The following MAD1L1 variants were observed in gnomAD, a reference collection of about 807,000 sequenced individuals.
MAD1L1 encodes mitotic spindle assembly checkpoint protein MAD1.
A neutral mutation model predicts 96.9 loss-of-function variants in MAD1L1; 95 were observed. The observed-to-expected ratio is 0.98, with a 90% CI of 0.83 to 1.16. The LOEUF is 1.16. Among genes scored for constraint, MAD1L1 ranks in the 50% most tolerant of loss-of-function variants. The pLI is 0.00. For synonymous variants in MAD1L1, 473 were observed against 396.6 expected, an observed-to-expected ratio of 1.19 and a Z score of -2.29; for missense variants, 1,007 against 954.4, an observed-to-expected ratio of 1.06 and a Z score of -0.73.
At chr7:2,172,668 C>T (rs949893082) in intron 10 of MAD1L1, among the ~76,000 whole-genome samples, 48 of 152,358 alleles carry the variant, frequency 3.2e-4, no homozygotes, top group African/African-American at 1.1e-3. Context: ...GTGGTGCCAG[C>T]TCGAGTGCCT....
At chr7:2,021,655 C>G (rs1377432277) in intron 12 of MAD1L1, among the ~76,000 whole-genome samples, 1 of 152,080 alleles carries the variant, frequency 6.6e-6, no homozygotes, top group Admixed American at 6.5e-5. Context: ...ATCCCAGCTA[C>G]TCGGGAGGCT....
At chr7:2,003,342 T>A (rs938793377) in intron 13 of MAD1L1, among the ~76,000 whole-genome samples, 1 of 151,972 alleles carries the variant, frequency 6.6e-6, no homozygotes, top group Non-Finnish European at 1.5e-5. Flanking sequence ...GGGGGAAGTA[T>A]GTTTGGAGAC....
chr7:2,107,941 C>G (rs576585737), intron 11 of MAD1L1, among the ~76,000 whole-genome samples: 1 of 152,090 alleles, frequency 6.6e-6, no homozygotes, highest in Admixed American at 6.5e-5. Context: ...TAGCTCTCCA[C>G]AGAAGAGTCC....
At chr7:1,851,747 C>G (rs1243483874) in intron 18 of MAD1L1, among the ~76,000 whole-genome samples, 1 of 152,156 alleles carries the variant, frequency 6.6e-6, no homozygotes, top group Non-Finnish European at 1.5e-5. Context: ...CAGGCACTTA[C>G]AGTGTCGCGA....
intron 12 of MAD1L1, among the ~76,000 whole-genome samples, chr7:2,050,690 G>A (rs1237539534): frequency 1.3e-5 from 2 of 152,154 alleles, no homozygotes; most frequent in Non-Finnish European, 1.5e-5. Flanking sequence ...TGACACCAAG[G>A]ACAACTGAAG....
chr7:2,060,187 A>ATGCCGAGATACG (rs1784583196), intron 12 of MAD1L1, among the ~76,000 whole-genome samples: 1 of 129,728 alleles, frequency 7.7e-6, no homozygotes, highest in African/African-American at 3.0e-5. Flanking sequence ...GCCGAGATAC[A>ATGCCGAGATACG]CCGATGCCAA....
At chr7:2,150,086 G>T (rs1562732249) in intron 10 of MAD1L1, among the ~76,000 whole-genome samples, 1 of 152,292 alleles carries the variant, frequency 6.6e-6, no homozygotes, top group East Asian at 1.9e-4. Context: ...TGCTGTGAGA[G>T]CCCCACCCAG....
rs1371953105 is a variant in MAD1L1 at position 1,936,913 on chromosome 7, C to T, written c.1597-16G>A. 8 of 1,565,676 alleles carry T rather than the reference C, an allele frequency of 5.1e-6. No homozygotes were observed. The highest frequency in any genetic ancestry group is 6.9e-6 in the Non-Finnish European group (8 of 1,151,984). ...CATAGTCACCCTGCAGGAACACACA[C>T]AGCACAGGTCACCATGGCCCAGGCA... is the stretch of plus-strand genomic sequence containing the variant. On this transcript the variant is annotated splice_polypyrimidine_tract_variant and intron_variant, in intron 16 of 18. Transcript: ENST00000265854.
chr7:2,074,928 C>A (rs1051750779), intron 11 of MAD1L1, among the ~76,000 whole-genome samples: 1 of 152,176 alleles, frequency 6.6e-6, no homozygotes, highest in African/African-American at 2.4e-5. Flanking sequence ...GGGCAGCTGG[C>A]GTGCTCATTC....
intron 11 of MAD1L1, among the ~76,000 whole-genome samples, chr7:2,105,840 C>G (rs1031999881): frequency 2.6e-5 from 4 of 152,094 alleles, no homozygotes; most frequent in African/African-American, 9.7e-5. Context: ...CACCCCGCTC[C>G]CCAGCTCCAG....
At chr7:2,038,836 C>T (rs770225497) in intron 12 of MAD1L1, among the ~76,000 whole-genome samples, 11 of 151,932 alleles carry the variant, frequency 7.2e-5, no homozygotes, top group Non-Finnish European at 1.0e-4. Context: ...TATTTTGATC[C>T]AATTACAGAT....
chr7:1,963,423 G>T (rs1484033574), intron 15 of MAD1L1, among the ~76,000 whole-genome samples: 1 of 152,220 alleles, frequency 6.6e-6, no homozygotes, highest in Non-Finnish European at 1.5e-5. Context: ...TTGGGGTGGG[G>T]AGAGGAGGCA....
At chr7:2,210,271 G>A (rs74449241) in intron 10 of MAD1L1, among the ~76,000 whole-genome samples, 4,325 of 152,172 alleles carry the variant, frequency 0.028, 103 homozygotes, top group South Asian at 0.048. Context: ...GGTCTCAACT[G>A]CGTTCCCCAG....
chr7:2,173,078 T>C (rs549858977), intron 10 of MAD1L1, among the ~76,000 whole-genome samples: 7 of 152,350 alleles, frequency 4.6e-5, no homozygotes, highest in African/African-American at 1.7e-4. Context: ...CTACAAGGCT[T>C]GTTATGGCAA....
intron 18 of MAD1L1, among the ~76,000 whole-genome samples, chr7:1,824,884 C>T (rs1270114528): frequency 2.0e-5 from 3 of 152,014 alleles, no homozygotes; most frequent in Non-Finnish European, 4.4e-5. Flanking sequence ...GGGGAGAAGA[C>T]TCAGCAGCGT....
At chr7:2,218,680 G>A (rs1247894637) in intron 6 of MAD1L1, among the ~76,000 whole-genome samples, 3 of 152,240 alleles carry the variant, frequency 2.0e-5, no homozygotes, top group African/African-American at 7.2e-5. Flanking sequence ...GCTGAGGCAG[G>A]AGGATCGCTT....
At chr7:1,906,608 G>T (rs940920574) in intron 17 of MAD1L1, among the ~76,000 whole-genome samples, 1 of 152,228 alleles carries the variant, frequency 6.6e-6, no homozygotes, top group Non-Finnish European at 1.5e-5. Context: ...TGGGCCTCAC[G>T]CTCTTTCCCT....
chr7:2,154,336 T>A (rs771727015), intron 10 of MAD1L1, among the ~76,000 whole-genome samples: 5 of 152,214 alleles, frequency 3.3e-5, no homozygotes, highest in Non-Finnish European at 5.9e-5. Context: ...TTGAAAGGTC[T>A]GGGTGAGCGG....
At chr7:1,942,277 A>G (rs1779037427) in intron 16 of MAD1L1, among the ~76,000 whole-genome samples, 1 of 152,150 alleles carries the variant, frequency 6.6e-6, no homozygotes, top group Non-Finnish European at 1.5e-5. Context: ...GCCCCTCCAG[A>G]AGGAGGCCAC....
Sources: allele counts gnomAD v4.1 joint callset (sites outside exome capture counted in the v4.1 genomes callset), GRCh38; gene constraint gnomAD v4.1.1; transcripts MANE v1.5; gene names NCBI Gene and HGNC (gene_info 2026-07-23, HGNC 2026-07-21).